Variants in RBFOX2 observed in about 807,000 individuals in gnomAD.
RBFOX2 encodes the protein RNA binding fox-1 homolog 2, also known as RNA binding protein fox-1 homolog 2.
In RBFOX2, 10 loss-of-function variants were observed where a neutral mutation model predicts 49.1. The observed-to-expected ratio is 0.20, with a 90% confidence interval of 0.13 to 0.35. The LOEUF (loss-of-function observed/expected upper bound fraction) is 0.35, where lower values mean the gene tolerates loss of function less well. Ranked by LOEUF, RBFOX2 falls within the 10% of genes least tolerant of loss-of-function variation. RBFOX2 has a pLI of 1.00. For missense variants in RBFOX2, 323 were observed against 486.9 expected, an observed-to-expected ratio of 0.66 and a Z score of 3.17; for synonymous variants, 183 against 187.4, an observed-to-expected ratio of 0.98 and a Z score of 0.19.
chr22:35,912,192 A>G (rs755669832), intron 1 of RBFOX2, among the ~76,000 whole-genome samples: 4 of 152,216 alleles, frequency 2.6e-5, no homozygotes, highest in African/African-American at 9.6e-5. Flanking sequence ...TACTTCTCTT[A>G]TATGAATCTC....
intron 1 of RBFOX2, among the ~76,000 whole-genome samples, chr22:36,010,736 C>T (rs986467013): frequency 2.1e-5 from 1 of 48,056 alleles, no homozygotes; most frequent in Non-Finnish European, 4.2e-5. Context: ...GTTCAGTACA[C>T]ACACACACAC....
intron 9 of RBFOX2, 161 bp from the exon 12 acceptor site, chr22:35,746,722 T>C (rs2145819373): frequency 2.4e-6 from 1 of 413,010 alleles, no homozygotes; most frequent in Non-Finnish European, 4.3e-6. Context: ...TGCATCAGTC[T>C]GCATGTTATT....
chr22:35,988,194 C>T (rs1444022901), intron 1 of RBFOX2, among the ~76,000 whole-genome samples: 2 of 152,122 alleles, frequency 1.3e-5, no homozygotes, highest in East Asian at 3.8e-4. Flanking sequence ...AACCGCACAG[C>T]GATCATTCAC....
intron 1 of RBFOX2, among the ~76,000 whole-genome samples, chr22:35,945,410 C>T (rs2054164715): frequency 6.6e-6 from 1 of 151,972 alleles, no homozygotes; most frequent in Admixed American, 6.5e-5. Context: ...AAACTAATCC[C>T]AGCAACAAAT....
At chr22:35,778,002 C>T in intron 4 of RBFOX2, 23 bp downstream of exon 5, 4 of 1,592,306 alleles carry the variant, frequency 2.5e-6, no homozygotes, top group Non-Finnish European at 3.4e-6. Flanking sequence ...ATCAAGCACA[C>T]TTGACACTGA....
At chr22:35,882,264 C>T (rs2046003961) in intron 1 of RBFOX2, among the ~76,000 whole-genome samples, 1 of 152,078 alleles carries the variant, frequency 6.6e-6, no homozygotes, top group African/African-American at 2.4e-5. Flanking sequence ...ACGAAGTGAT[C>T]AGTGATAGAA....
chr22:35,862,903 G>A (rs751343216), intron 1 of RBFOX2, among the ~76,000 whole-genome samples: 1 of 152,150 alleles, frequency 6.6e-6, no homozygotes, highest in Non-Finnish European at 1.5e-5. Flanking sequence ...AATTATAGTT[G>A]ATGTTATCGG....
chr22:36,006,004 G>A (rs1396150817), intron 1 of RBFOX2, among the ~76,000 whole-genome samples: 1 of 152,142 alleles, frequency 6.6e-6, no homozygotes, highest in Non-Finnish European at 1.5e-5. Flanking sequence ...ATTTGTCTTT[G>A]AGTGGATTCA....
At chr22:35,794,219 T>C (rs547509980) in intron 2 of RBFOX2, among the ~76,000 whole-genome samples, 1 of 152,174 alleles carries the variant, frequency 6.6e-6, no homozygotes, top group African/African-American at 2.4e-5. Flanking sequence ...CTTTTTTTTT[T>C]TAAATCACCA....
chr22:35,756,283 C>G (rs1731576197), intron 9 of RBFOX2, 139 bp from the exon 11 acceptor site: 1 of 611,246 alleles, frequency 1.6e-6, no homozygotes, highest in African/African-American at 1.9e-5. Flanking sequence ...CTTGGGGCCT[C>G]GGCAAGTTGG....
At chr22:35,877,395 C>T (rs573121536) in intron 1 of RBFOX2, among the ~76,000 whole-genome samples, 6 of 152,236 alleles carry the variant, frequency 3.9e-5, no homozygotes, top group East Asian at 3.9e-4. Context: ...GGTAGAAAGG[C>T]AGACCTAACA....
chr22:35,862,513 C>A (rs185770201), intron 1 of RBFOX2, among the ~76,000 whole-genome samples: 122 of 152,212 alleles, frequency 8.0e-4, no homozygotes, highest in African/African-American at 2.8e-3. Context: ...TGCTAGAGAA[C>A]CCCTTTAGCA....
At chr22:35,880,831 G>A (rs1034133629) in intron 1 of RBFOX2, among the ~76,000 whole-genome samples, 8 of 152,054 alleles carry the variant, frequency 5.3e-5, no homozygotes, top group Non-Finnish European at 1.2e-4. Flanking sequence ...TGGAAGGAAG[G>A]GAGGGAGGGA....
At chr22:35,743,522 A>T (rs552989953) in exon 12 of RBFOX2, 1 of 152,246 alleles carries the variant, frequency 6.6e-6, no homozygotes, top group Non-Finnish European at 1.5e-5. Flanking sequence ...TATCAATACT[A>T]TAATTCCAAA....
chr22:35,761,830 A>G (rs569226652), intron 6 of RBFOX2, among the ~76,000 whole-genome samples: 3 of 152,304 alleles, frequency 2.0e-5, no homozygotes, highest in African/African-American at 7.2e-5. Context: ...GGCCGACTAT[A>G]TGTCACTCTG....
upstream of RBFOX2, among the ~76,000 whole-genome samples, chr22:35,940,255 A>G (rs1206891049): frequency 6.6e-6 from 1 of 152,184 alleles, no homozygotes; most frequent in East Asian, 1.9e-4. Flanking sequence ...AAGAATGTGT[A>G]ATAAATAAAT....
intron 1 of RBFOX2, chr22:35,897,725 G>C: frequency 1.2e-6 from 1 of 848,976 alleles, no homozygotes; most frequent in South Asian, 1.3e-5. Flanking sequence ...GAAACAAGGG[G>C]TATAGCACCA....
intron 1 of RBFOX2, among the ~76,000 whole-genome samples, chr22:35,825,425 TG>T (rs1955448766): frequency 1.4e-5 from 2 of 139,068 alleles, no homozygotes; most frequent in African/African-American, 5.4e-5. Flanking sequence ...TTTGACTAAG[TG>T]AAAAAAAAAA....
At chr22:35,944,738 G>A (rs2054082664) in intron 1 of RBFOX2, among the ~76,000 whole-genome samples, 1 of 152,070 alleles carries the variant, frequency 6.6e-6, no homozygotes, top group African/African-American at 2.4e-5. Flanking sequence ...TGAGCAGAGT[G>A]CAGAAAACTG....
Sources: gnomAD v4.1 joint callset for allele counts (sites outside exome capture counted in the v4.1 genomes callset) on GRCh38, gnomAD v4.1.1 for gene constraint, MANE v1.5 for transcripts, NCBI Gene and HGNC (gene_info 2026-07-23, HGNC 2026-07-21) for gene names.